SLC22A15: variants seen among roughly 807,000 people sequenced by gnomAD.
SLC22A15 encodes solute carrier family 22 member 15, also known as flipt 1.
In SLC22A15, 45 loss-of-function variants were observed where a neutral mutation model predicts 62.7. The ratio of observed to expected loss-of-function variants is 0.72; its 90% CI spans 0.56 to 0.92. SLC22A15 has a LOEUF of 0.92. Among genes scored for constraint, SLC22A15 ranks in the 40% least tolerant of loss-of-function variants. SLC22A15 has a pLI of 0.00. For synonymous variants in SLC22A15, 264 were observed against 267.0 expected (o/e 0.99, Z 0.11); for missense variants, 622 against 665.6 (o/e 0.93, Z 0.72).
chr1:115,983,104 G>C (rs1654692321), intron 1 of SLC22A15, among the ~76,000 whole-genome samples: 1 of 152,192 alleles, frequency 6.6e-6, no homozygotes, highest in Non-Finnish European at 1.5e-5. Context: ...GTCTCATTTG[G>C]TGTTAGCACT....
chr1:116,032,672 C>T, intron 6 of SLC22A15: 8 of 973,364 alleles, frequency 8.2e-6, no homozygotes, highest in Non-Finnish European at 9.8e-6. Flanking sequence ...AGGAATATCA[C>T]AGATGCATAA....
rs1654313234 is a variant in SLC22A15, at chr1:115,976,774, A to G, written c.87+60A>G. ...CTTCAGGGCCGCCCGGCGCAGGGCT[A>G]GGCGTCCGCTCCCAGACCGCCGGGG... On this transcript the variant is annotated intron_variant, in intron 1 of 11. Transcript: ENST00000369503. 3.7e-6 allele frequency: 5 copies of G among 1,341,242 alleles called. No homozygotes were observed. In the Admixed American group the frequency reaches 5.6e-5, roughly 15 times the overall value. The allele number at this position is 1,341,242 out of a possible 1,614,324, so 83.1% of individuals were successfully genotyped here. A position where few individuals can be genotyped will look rare whatever the true frequency, so the allele number is the denominator to read the frequency against.
intron 1 of SLC22A15, among the ~76,000 whole-genome samples, chr1:115,977,877 G>C (rs914408223): frequency 6.6e-6 from 1 of 152,158 alleles, no homozygotes. Context: ...TAAAATGTTT[G>C]GAAGTTCAGT....
At chr1:116,062,922 A>G (rs1481603026) in intron 9 of SLC22A15, 40 bp downstream of exon 9, 2 of 1,605,930 alleles carry the variant, frequency 1.2e-6, no homozygotes, top group Non-Finnish European at 1.7e-6. Context: ...CACATTCTAC[A>G]CTTTGTCATC....
chr1:116,033,484 A>G (rs1657507158), intron 6 of SLC22A15, among the ~76,000 whole-genome samples: 2 of 151,340 alleles, frequency 1.3e-5, no homozygotes, highest in South Asian at 4.2e-4. Context: ...AAATTCCACT[A>G]TTGTCCTGAA....
chr1:116,047,705 C>A (rs1471972353), intron 8 of SLC22A15, among the ~76,000 whole-genome samples: 1 of 152,112 alleles, frequency 6.6e-6, no homozygotes, highest in African/African-American at 2.4e-5. Context: ...CAAAGGAATA[C>A]CCCGTGAGAC....
intron 1 of SLC22A15, among the ~76,000 whole-genome samples, chr1:115,980,155 G>T (rs1198022551): frequency 6.6e-6 from 1 of 152,046 alleles, no homozygotes; most frequent in Non-Finnish European, 1.5e-5. Flanking sequence ...TAACTTCAGT[G>T]GTCATCTGGG....
intron 8 of SLC22A15, among the ~76,000 whole-genome samples, chr1:116,061,010 A>G (rs1658366767): frequency 6.6e-6 from 1 of 152,174 alleles, no homozygotes; most frequent in Non-Finnish European, 1.5e-5. Flanking sequence ...GGGCATGTCT[A>G]TGCCTCCCTC....
rs115213195 is a variant in SLC22A15 at position 116,037,264 on chromosome 1, G to T, written c.1086-39G>T. 4.6e-3 allele frequency: 7,043 copies of T among 1,517,928 alleles called. 257 individuals carry two copies. The African/African-American group carries it at 0.085, about 18-fold the overall frequency. The allele number at this position is 1,517,928 out of a possible 1,614,324, so 94.0% of individuals were successfully genotyped here. On this transcript the variant is annotated intron_variant, in intron 7 of 11. Transcript: ENST00000369503. ...GGGAAGAAACAGATGAATTTATAAG[G>T]TTCTTAAGAGAACTGTGTAATTTCT...
At chr1:116,044,966 T>C (rs1440143250) in intron 8 of SLC22A15, among the ~76,000 whole-genome samples, 1 of 152,208 alleles carries the variant, frequency 6.6e-6, no homozygotes, top group African/African-American at 2.4e-5. Flanking sequence ...CCCAAACTGA[T>C]TTATCTTCAT....
chr1:115,988,623 C>A (rs1654997471), intron 1 of SLC22A15, among the ~76,000 whole-genome samples: 1 of 152,074 alleles, frequency 6.6e-6, no homozygotes, highest in Non-Finnish European at 1.5e-5. Flanking sequence ...TGGGTTCAAG[C>A]AGTTCTTCTG....
chr1:116,062,796 C>T lies in SLC22A15; in HGVS notation c.1206C>T (p.Ser402=). The change falls in exon 9 of 12, where the codon TCC becomes TCT. Residue 402 remains serine, a synonymous_variant. Transcript: ENST00000369503. ...TGVFAVVNSH[S]LSLLGKLTIS... ...TGTTTGCAGTGGTGAACAGCCATTC[C>T]TTGTCCTTGCTGGGGAAGCTGACCA... 2 of 1,613,926 alleles carry T rather than the reference C, an allele frequency of 1.2e-6. No individual in the cohort carries two copies. The highest frequency in any genetic ancestry group is 8.5e-7 in the Non-Finnish European group (1 of 1,179,840).
At chr1:116,059,605 T>A (rs1358604127) in intron 8 of SLC22A15, among the ~76,000 whole-genome samples, 2 of 152,192 alleles carry the variant, frequency 1.3e-5, no homozygotes, top group Non-Finnish European at 2.9e-5. Context: ...CAGAAGTTTG[T>A]GTGTATATGC....
chr1:116,020,227 A>G (rs1656748583), intron 3 of SLC22A15, among the ~76,000 whole-genome samples: 1 of 149,616 alleles, frequency 6.7e-6, no homozygotes, highest in Non-Finnish European at 1.5e-5. Flanking sequence ...TTAAAAAAAT[A>G]GTTTCCAAGA....
intron 5 of SLC22A15, among the ~76,000 whole-genome samples, chr1:116,030,448 T>A (rs1300652959): frequency 6.6e-6 from 1 of 151,970 alleles, no homozygotes; most frequent in Non-Finnish European, 1.5e-5. Context: ...CAAATTAGAT[T>A]TAAAAAAAAA....
chr1:116,027,827 G>T (rs919182670), intron 5 of SLC22A15, among the ~76,000 whole-genome samples: 1 of 152,138 alleles, frequency 6.6e-6, no homozygotes, highest in Non-Finnish European at 1.5e-5. Context: ...GTTTCTCCAT[G>T]TTGGTCAGGC....
chr1:115,977,424 C>T (rs1287588338), intron 1 of SLC22A15, among the ~76,000 whole-genome samples: 1 of 152,214 alleles, frequency 6.6e-6, no homozygotes, highest in Non-Finnish European at 1.5e-5. Flanking sequence ...CTCAAAATAT[C>T]GATTCCATAT....
intron 8 of SLC22A15, among the ~76,000 whole-genome samples, chr1:116,055,852 A>T (rs1169876543): frequency 1.3e-5 from 2 of 148,234 alleles, no homozygotes; most frequent in Non-Finnish European, 1.5e-5. Flanking sequence ...ACAAAATTCA[A>T]CAACACTTCA....
At chr1:115,989,610 G>T (rs569675115) in intron 1 of SLC22A15, among the ~76,000 whole-genome samples, 5 of 151,916 alleles carry the variant, frequency 3.3e-5, no homozygotes, top group African/African-American at 1.2e-4. Context: ...GTGAAACCTC[G>T]TCTCTACTAA....
Sources: gnomAD v4.1 joint callset for allele counts (sites outside exome capture counted in the v4.1 genomes callset) on GRCh38, gnomAD v4.1.1 for gene constraint, MANE v1.5 for transcripts, NCBI Gene and HGNC (gene_info 2026-07-23, HGNC 2026-07-21) for gene names.